Variants in GALNT13 observed in about 807,000 individuals in gnomAD.
GALNT13 encodes the protein polypeptide N-acetylgalactosaminyltransferase 13.
GALNT13 carries 28 observed loss-of-function variants against 64.2 expected under a neutral mutation model. The observed-to-expected ratio is 0.44, with a 90% CI of 0.32 to 0.60. The LOEUF (loss-of-function observed/expected upper bound fraction) is 0.60, where lower values mean the gene tolerates loss of function less well. Among genes scored for constraint, GALNT13 ranks in the 20% least tolerant of loss-of-function variants. The pLI is 0.05. For synonymous variants in GALNT13, 214 were observed against 224.6 expected (o/e 0.95, Z 0.42); for missense variants, 577 against 669.8 (o/e 0.86, Z 1.53).
Position 154,102,891 on chromosome 2 carries a change from G to A in GALNT13, c.143-37446G>A, listed in dbSNP as rs1702421825. Among the ~76,000 whole-genome samples, 3 of 151,984 alleles carry A rather than the reference G, an allele frequency of 2.0e-5. No homozygotes were observed. In the South Asian group the frequency reaches 6.2e-4, roughly 32 times the overall value. Reference sequence around the variant, plus strand: ...TTTATTGTTTTATAATGCCAGTTTAGTATTTTTATACTGTTGTTTGCTTAA... The same window carrying A: ...TTTATTGTTTTATAATGCCAGTTTAATATTTTTATACTGTTGTTTGCTTAA... On this transcript the variant is annotated intron_variant, in intron 3 of 12. Transcript: ENST00000392825.
At chr2:153,134,839 G>A in the GALNT13 span, among the ~76,000 whole-genome samples, 38 of 152,092 alleles carry the variant, frequency 2.5e-4, no homozygotes, top group Admixed American at 2.0e-4. Context: ...GTTTAAGGTA[G>A]CAATGACCAG....
At chr2:154,337,037 T>C (rs1318112260) in intron 9 of GALNT13, among the ~76,000 whole-genome samples, 1 of 152,038 alleles carries the variant, frequency 6.6e-6, no homozygotes, top group African/African-American at 2.4e-5. Context: ...TATTTCTCTA[T>C]AAAAAAATAT....
intron 8 of GALNT13, among the ~76,000 whole-genome samples, chr2:154,271,051 A>T (rs1691326421): frequency 6.6e-6 from 1 of 151,918 alleles, no homozygotes; most frequent in Admixed American, 6.6e-5. Flanking sequence ...AGATGCAGGG[A>T]TGTAGATACT....
At chr2:154,456,151 T>C, downstream of GALNT13, among the ~76,000 whole-genome samples, 1 of 20,648 alleles carries the variant, frequency 4.8e-5, no homozygotes, top group South Asian at 1.1e-3. Context: ...TTTTTTTGTT[T>C]TTTTTTTTTT....
At chr2:153,222,327 T>TGGGGGGGGGG in the GALNT13 span, among the ~76,000 whole-genome samples, 7 of 95,578 alleles carry the variant, frequency 7.3e-5, no homozygotes, top group East Asian at 5.4e-4. Flanking sequence ...GGGGGGGGGG[T>TGGGGGGGGGG]GGGGTGGGGG....
At chr2:153,193,637 T>C in the GALNT13 span, among the ~76,000 whole-genome samples, 29 of 135,526 alleles carry the variant, frequency 2.1e-4, no homozygotes, top group African/African-American at 7.6e-4. Flanking sequence ...AATAAATAAA[T>C]ATTTTTCATT....
the GALNT13 span, among the ~76,000 whole-genome samples, chr2:153,171,071 CG>C: frequency 1.3e-5 from 2 of 152,168 alleles, no homozygotes; most frequent in African/African-American, 4.8e-5. Flanking sequence ...TGATTCAATT[CG>C]GTTACCCCAC....
chr2:153,271,068 C>G, the GALNT13 span, among the ~76,000 whole-genome samples: 2 of 152,048 alleles, frequency 1.3e-5, no homozygotes, highest in East Asian at 3.9e-4. Flanking sequence ...AATTCAACAC[C>G]CCTTCATGCC....
chr2:154,425,136 T>G (rs1700417061), intron 11 of GALNT13, among the ~76,000 whole-genome samples: 1 of 152,196 alleles, frequency 6.6e-6, no homozygotes, highest in Non-Finnish European at 1.5e-5. Context: ...AATCTTTATA[T>G]ATGTAACAAT....
chr2:153,222,332 T>TGGGGGGGGGGGGGG, the GALNT13 span, among the ~76,000 whole-genome samples: 17 of 103,786 alleles, frequency 1.6e-4, no homozygotes, highest in Non-Finnish European at 3.4e-4. Flanking sequence ...GGGGGTGGGG[T>TGGGGGGGGGGGGGG]GGGGGGGGGG....
chr2:153,742,769 G>A, the GALNT13 span, among the ~76,000 whole-genome samples: 1 of 151,908 alleles, frequency 6.6e-6, no homozygotes, highest in African/African-American at 2.4e-5. Context: ...TTTTATGGCT[G>A]CATAGTATTT....
At chr2:153,268,594 A>T in the GALNT13 span, among the ~76,000 whole-genome samples, 1 of 152,114 alleles carries the variant, frequency 6.6e-6, no homozygotes, top group Middle Eastern at 3.2e-3. Flanking sequence ...CTAGAAAATG[A>T]CCCAGTGGGG....
At chr2:153,551,367 C>T in the GALNT13 span, among the ~76,000 whole-genome samples, 1 of 152,176 alleles carries the variant, frequency 6.6e-6, no homozygotes, top group East Asian at 1.9e-4. Context: ...CATGATATGA[C>T]GGATATTAGA....
chr2:153,679,828 C>T, the GALNT13 span, among the ~76,000 whole-genome samples: 1 of 151,814 alleles, frequency 6.6e-6, no homozygotes, highest in Non-Finnish European at 1.5e-5. Context: ...CATTCTTTCT[C>T]CATTTTCTCC....
the GALNT13 span, among the ~76,000 whole-genome samples, chr2:153,843,401 G>A: frequency 6.6e-6 from 1 of 152,264 alleles, no homozygotes; most frequent in Admixed American, 6.5e-5. Context: ...CCAAAGGGAT[G>A]GCCCAAGCCA....
the GALNT13 span, among the ~76,000 whole-genome samples, chr2:153,752,977 C>T: frequency 6.6e-6 from 1 of 152,022 alleles, no homozygotes; most frequent in Non-Finnish European, 1.5e-5. Context: ...TTTCAAATAA[C>T]CTGTCTTCAA....
At chr2:153,507,322 G>A in the GALNT13 span, among the ~76,000 whole-genome samples, 9 of 151,204 alleles carry the variant, frequency 6.0e-5, no homozygotes, top group East Asian at 2.0e-4. Context: ...TCACTCTGTC[G>A]CCAGGCTGGA....
the GALNT13 span, among the ~76,000 whole-genome samples, chr2:153,681,034 G>T: frequency 2.3e-4 from 35 of 151,928 alleles, no homozygotes; most frequent in Non-Finnish European, 4.9e-4. Flanking sequence ...TTATAGAGAA[G>T]TCCTCCAACA....
At chr2:153,556,144 T>C in the GALNT13 span, among the ~76,000 whole-genome samples, 1 of 152,186 alleles carries the variant, frequency 6.6e-6, no homozygotes, top group Admixed American at 6.5e-5. Flanking sequence ...TGCTTGAAAT[T>C]ACATAATGAC....
Sources: allele counts gnomAD v4.1 joint callset (sites outside exome capture counted in the v4.1 genomes callset), GRCh38; gene constraint gnomAD v4.1.1; transcripts MANE v1.5; gene names NCBI Gene and HGNC (gene_info 2026-07-23, HGNC 2026-07-21).